SUPT3H: variants seen among roughly 807,000 people sequenced by gnomAD.
SUPT3H encodes the protein SPT3 homolog, SAGA and STAGA complex component.
SUPT3H carries 44 observed loss-of-function variants against 44.3 expected under a neutral mutation model. That is an observed-to-expected ratio of 0.99 (90% CI 0.78 to 1.28). The LOEUF (loss-of-function observed/expected upper bound fraction) is 1.28. Ranked by LOEUF, SUPT3H falls within the 50% of genes most tolerant of loss-of-function variation. The pLI, the probability that SUPT3H is intolerant of heterozygous loss-of-function variation, is 0.00. For synonymous variants in SUPT3H, 124 were observed against 125.6 expected (o/e 0.99, Z 0.09); for missense variants, 380 against 387.1 (o/e 0.98, Z 0.15).
At chr6:45,007,605 C>T (rs1185651717) in intron 5 of SUPT3H, among the ~76,000 whole-genome samples, 1 of 152,080 alleles carries the variant, frequency 6.6e-6, no homozygotes, top group African/African-American at 2.4e-5. Context: ...TTGAGTCCCA[C>T]TATTGTTCTC....
At chr6:45,284,819 G>T (rs550027209) in intron 2 of SUPT3H, among the ~76,000 whole-genome samples, 1 of 152,296 alleles carries the variant, frequency 6.6e-6, no homozygotes, top group South Asian at 2.1e-4. Context: ...CAATATCTCT[G>T]ATGAACATCG....
At chr6:45,050,515 G>GA (rs1303227031) in intron 3 of SUPT3H, among the ~76,000 whole-genome samples, 3 of 152,010 alleles carry the variant, frequency 2.0e-5, no homozygotes, top group Non-Finnish European at 4.4e-5. Context: ...CAGGGAAAGA[G>GA]AGGGAGGCAC....
chr6:45,133,903 T>C (rs1562525067), intron 2 of SUPT3H, among the ~76,000 whole-genome samples: 2 of 152,194 alleles, frequency 1.3e-5, no homozygotes, highest in Admixed American at 1.3e-4. Flanking sequence ...AGATTAGCAG[T>C]GCATTAAACT....
intron 2 of SUPT3H, among the ~76,000 whole-genome samples, chr6:45,213,962 C>T (rs1764555672): frequency 7.8e-6 from 1 of 128,550 alleles, no homozygotes; most frequent in Non-Finnish European, 1.6e-5. Context: ...TGTAATCAGC[C>T]ATGTCCATAA....
At chr6:45,124,370 C>T (rs1802102344) in intron 2 of SUPT3H, among the ~76,000 whole-genome samples, 1 of 151,988 alleles carries the variant, frequency 6.6e-6, no homozygotes, top group South Asian at 2.1e-4. Flanking sequence ...TGGCTGAGCA[C>T]AGTGGGCTCA....
intron 6 of SUPT3H, among the ~76,000 whole-genome samples, chr6:44,983,630 TG>T (rs1779393278): frequency 6.6e-6 from 1 of 152,174 alleles, no homozygotes; most frequent in Non-Finnish European, 1.5e-5. Flanking sequence ...AAAATGGACT[TG>T]GGGTTTTGAC....
At chr6:45,197,097 A>C (rs1318367541) in intron 2 of SUPT3H, among the ~76,000 whole-genome samples, 3 of 151,716 alleles carry the variant, frequency 2.0e-5, no homozygotes, top group Non-Finnish European at 4.4e-5. Context: ...TAATTCTTCA[A>C]TACTCATTTC....
At chr6:44,825,370 G>A (rs1767663791), downstream of SUPT3H, among the ~76,000 whole-genome samples, 2 of 152,178 alleles carry the variant, frequency 1.3e-5, no homozygotes, top group South Asian at 4.2e-4. Context: ...GTTCTGAGAA[G>A]TGCTTCTAGG....
At chr6:44,969,185 A>G (rs1269038784) in intron 6 of SUPT3H, among the ~76,000 whole-genome samples, 3 of 152,132 alleles carry the variant, frequency 2.0e-5, no homozygotes, top group Non-Finnish European at 2.9e-5. Flanking sequence ...TCTCTCCTCA[A>G]AGATTAGCTG....
intron 5 of SUPT3H, among the ~76,000 whole-genome samples, chr6:45,013,016 T>G (rs1783722539): frequency 6.6e-6 from 1 of 152,126 alleles, no homozygotes; most frequent in Non-Finnish European, 1.5e-5. Flanking sequence ...AGTTTCTGGC[T>G]GTTTTGCCTC....
rs551298436 is a variant in SUPT3H, at chr6:45,074,721, C to G, written c.186+31201G>C. ...TTCTAAAGTACAGGAAATACTATTC[C>G]TTGCTTTTGGGGTGCTGGTTACATG... On this transcript the variant is annotated intron_variant, in intron 3 of 10. Coordinates refer to ENST00000371459, the MANE Select transcript of SUPT3H (RefSeq NM_003599.4). Among the ~76,000 whole-genome samples, 6 of 152,058 alleles carry G rather than the reference C, an allele frequency of 3.9e-5. No homozygotes were observed. The South Asian group carries it at 1.2e-3, about 31-fold the overall frequency.
chr6:44,843,672 G>A (rs1374825749), intron 10 of SUPT3H, among the ~76,000 whole-genome samples: 2 of 151,978 alleles, frequency 1.3e-5, no homozygotes, highest in African/African-American at 4.8e-5. Flanking sequence ...TAAAATATGT[G>A]TAAGACCTGT....
At chr6:45,240,101 C>T (rs1770009139) in intron 2 of SUPT3H, among the ~76,000 whole-genome samples, 1 of 152,046 alleles carries the variant, frequency 6.6e-6, no homozygotes, top group Non-Finnish European at 1.5e-5. Context: ...TTTCTCCAGG[C>T]CAAAACCAGC....
intron 10 of SUPT3H, among the ~76,000 whole-genome samples, chr6:44,849,136 A>G (rs1772402578): frequency 6.6e-6 from 1 of 151,984 alleles, no homozygotes; most frequent in Non-Finnish European, 1.5e-5. Flanking sequence ...TGTTGAATAA[A>G]TTTACAAACT....
chr6:45,031,625 G>A (rs969749746), intron 3 of SUPT3H, among the ~76,000 whole-genome samples: 4 of 152,168 alleles, frequency 2.6e-5, no homozygotes, highest in African/African-American at 4.8e-5. Context: ...ACTAAAGAGA[G>A]GTGAATATCA....
At chr6:44,886,384 A>T (rs987255032) in intron 10 of SUPT3H, among the ~76,000 whole-genome samples, 9 of 152,132 alleles carry the variant, frequency 5.9e-5, no homozygotes, top group Admixed American at 1.3e-4. Context: ...CGGGTTACCC[A>T]CAAAGGGAAG....
intron 2 of SUPT3H, among the ~76,000 whole-genome samples, chr6:45,358,112 A>G (rs1362725980): frequency 3.9e-5 from 6 of 152,156 alleles, no homozygotes; most frequent in African/African-American, 1.2e-4. Context: ...AAAGTAATCA[A>G]TGACCGTGTT....
chr6:45,016,025 T>G (rs1364622345), intron 4 of SUPT3H, among the ~76,000 whole-genome samples: 1 of 152,128 alleles, frequency 6.6e-6, no homozygotes, highest in East Asian at 1.9e-4. Context: ...TCTAAAATAA[T>G]GATGGAGTAT....
chr6:44,959,890 C>G (rs537962526), intron 7 of SUPT3H, among the ~76,000 whole-genome samples: 2 of 152,088 alleles, frequency 1.3e-5, no homozygotes, highest in South Asian at 4.1e-4. Flanking sequence ...AACACTCTGA[C>G]GAGTGCAGGA....
Sources: gnomAD v4.1 joint callset for allele counts (sites outside exome capture counted in the v4.1 genomes callset) on GRCh38, gnomAD v4.1.1 for gene constraint, MANE v1.5 for transcripts, NCBI Gene and HGNC (gene_info 2026-07-23, HGNC 2026-07-21) for gene names.